TSHZ3: variants seen among roughly 807,000 people sequenced by gnomAD.
The protein encoded by TSHZ3 is teashirt homolog 3.
Under a neutral mutation model 64.5 loss-of-function variants are expected in TSHZ3, and 10 were observed. That is an observed-to-expected ratio of 0.16 (90% CI 0.10 to 0.26). The LOEUF is 0.26. Ranked by LOEUF, TSHZ3 falls within the 10% of genes least tolerant of loss-of-function variation. TSHZ3 has a pLI of 1.00. For synonymous variants in TSHZ3, 608 were observed against 593.1 expected (o/e 1.03, Z -0.36); for missense variants, 1,242 against 1,421.7 (o/e 0.87, Z 2.03).
intron 1 of TSHZ3, among the ~76,000 whole-genome samples, chr19:31,306,433 C>G (rs900980932): frequency 1.3e-5 from 2 of 152,164 alleles, no homozygotes; most frequent in African/African-American, 4.8e-5. Context: ...GCAAAGTGAT[C>G]GCAAAACGTG....
At chr19:31,316,410 C>T (rs1916603446) in intron 1 of TSHZ3, among the ~76,000 whole-genome samples, 1 of 152,172 alleles carries the variant, frequency 6.6e-6, no homozygotes, top group African/African-American at 2.4e-5. Context: ...CTCGGAGACT[C>T]TGGGGAAAAG....
chr19:31,275,246 G>A lies in TSHZ3; in HGVS notation c.*1301C>T, dbSNP rs951026824. ...GGGATCTTGGGAGAATAATTAGGAA[G>A]AACAAAACAGAAAGTTACCAATTGA... On this transcript the variant is annotated 3_prime_UTR_variant, in exon 2 of 2. Coordinates refer to ENST00000240587, the MANE Select transcript of TSHZ3 (RefSeq NM_020856.4). 11 of 152,426 alleles carry A rather than the reference G, an allele frequency of 7.2e-5. No homozygotes were observed. Among genetic ancestry groups the A allele is most frequent in the Admixed American group, 6.6e-4 (10 of 15,256 alleles). The allele number at this position is 152,426 out of a possible 1,614,324, so 9.4% of individuals were successfully genotyped here. A position where few individuals can be genotyped will look rare whatever the true frequency, so the allele number is the denominator to read the frequency against.
At chr19:31,301,574 G>A (rs1976757268) in intron 1 of TSHZ3, among the ~76,000 whole-genome samples, 1 of 152,160 alleles carries the variant, frequency 6.6e-6, no homozygotes, top group Non-Finnish European at 1.5e-5. Context: ...GGAAGGCACT[G>A]GCCCTGTGCT....
intron 5 of TSHZ3, among the ~76,000 whole-genome samples, chr19:31,203,194 G>T (rs1033070099): frequency 1.3e-5 from 2 of 152,138 alleles, no homozygotes; most frequent in African/African-American, 4.8e-5. Flanking sequence ...ACTAGCTGGT[G>T]GAAGGGCATT....
At chr19:31,311,363 A>G (rs1287906302) in intron 1 of TSHZ3, among the ~76,000 whole-genome samples, 1 of 152,212 alleles carries the variant, frequency 6.6e-6, no homozygotes, top group African/African-American at 2.4e-5. Context: ...CTGGGGAGGC[A>G]GGAGAAGCTG....
intron 1 of TSHZ3, among the ~76,000 whole-genome samples, chr19:31,289,959 T>C (rs143120760): frequency 5.1e-4 from 78 of 152,168 alleles, no homozygotes; most frequent in African/African-American, 1.7e-3. Flanking sequence ...AAAGGACTCA[T>C]GGAAGTGCCT....
intron 4 of TSHZ3, among the ~76,000 whole-genome samples, chr19:31,218,106 A>G (rs1975355704): frequency 6.6e-6 from 1 of 152,242 alleles, no homozygotes; most frequent in South Asian, 2.1e-4. Context: ...AGAGAATGAA[A>G]AGACAAGCCA....
chr19:31,167,817 G>A (rs1974476935), intron 5 of TSHZ3: 1 of 152,164 alleles, frequency 6.6e-6, no homozygotes, highest in Non-Finnish European at 1.5e-5. Context: ...CGAGGCTGAT[G>A]GCGTTTTTGC....
At chr19:31,337,804 G>A (rs1917297434) in intron 1 of TSHZ3, among the ~76,000 whole-genome samples, 1 of 151,472 alleles carries the variant, frequency 6.6e-6, no homozygotes, top group African/African-American at 2.4e-5. Context: ...TTTCTTTCCT[G>A]TTCATGGCAG....
chr19:31,349,773 G>T (rs867424317), upstream of TSHZ3, among the ~76,000 whole-genome samples: 3 of 148,440 alleles, frequency 2.0e-5, no homozygotes, highest in South Asian at 6.3e-4. Flanking sequence ...ACGCGCAGCC[G>T]CCGCCGCGGC....
At chr19:31,203,334 C>T (rs1975115250) in intron 5 of TSHZ3, among the ~76,000 whole-genome samples, 1 of 151,874 alleles carries the variant, frequency 6.6e-6, no homozygotes, top group Admixed American at 6.6e-5. Context: ...TAGGAGGAGA[C>T]CAGAGAGGTG....
chr19:31,177,683 C>T (rs143246108), intron 5 of TSHZ3, among the ~76,000 whole-genome samples: 81 of 152,332 alleles, frequency 5.3e-4, no homozygotes, highest in African/African-American at 1.4e-3. Context: ...AAGTTCTGCG[C>T]GCTGGGAAGC....
intron 1 of TSHZ3, among the ~76,000 whole-genome samples, chr19:31,315,264 T>A (rs533549006): frequency 6.6e-6 from 1 of 152,364 alleles, no homozygotes; most frequent in Admixed American, 6.5e-5. Flanking sequence ...CCTTCGAGGC[T>A]CACATCAGCC....
chr19:31,244,182 G>T (rs367919575), intron 1 of TSHZ3, among the ~76,000 whole-genome samples: 2 of 152,156 alleles, frequency 1.3e-5, no homozygotes, highest in East Asian at 1.9e-4. Context: ...TGTTGGAGGT[G>T]GGGCCTGGTG....
chr19:31,159,080 A>C (rs1306192922), intron 5 of TSHZ3, among the ~76,000 whole-genome samples: 1 of 151,954 alleles, frequency 6.6e-6, no homozygotes, highest in Non-Finnish European at 1.5e-5. Context: ...GCTCACTGCA[A>C]CCTCCGCCTC....
At chr19:31,329,467 C>T (rs947850500) in intron 1 of TSHZ3, among the ~76,000 whole-genome samples, 3 of 152,348 alleles carry the variant, frequency 2.0e-5, no homozygotes, top group Admixed American at 1.3e-4. Context: ...CTTGCACAAA[C>T]ATTTAATTTA....
intron 5 of TSHZ3, among the ~76,000 whole-genome samples, chr19:31,180,809 G>A (rs943484004): frequency 2.6e-5 from 4 of 152,124 alleles, no homozygotes; most frequent in African/African-American, 9.7e-5. Flanking sequence ...CTACCACTGG[G>A]GCCCGGCCCT....
chr19:31,339,483 G>A (rs1200404768), intron 1 of TSHZ3, among the ~76,000 whole-genome samples: 1 of 151,968 alleles, frequency 6.6e-6, no homozygotes, highest in Non-Finnish European at 1.5e-5. Flanking sequence ...CAAGCCACAG[G>A]GTACAGTACC....
intron 1 of TSHZ3, among the ~76,000 whole-genome samples, chr19:31,331,041 C>G (rs1200849021): frequency 6.6e-5 from 10 of 152,178 alleles, no homozygotes; most frequent in Non-Finnish European, 1.5e-4. Flanking sequence ...TGAGAGCTGC[C>G]CAACCCAACG....
Sources: allele counts gnomAD v4.1 joint callset (sites outside exome capture counted in the v4.1 genomes callset), GRCh38; gene constraint gnomAD v4.1.1; transcripts MANE v1.5; gene names NCBI Gene and HGNC (gene_info 2026-07-23, HGNC 2026-07-21).